WARS2: variants seen among roughly 807,000 people sequenced by gnomAD.
WARS2 encodes the protein tryptophan--tRNA ligase, mitochondrial.
WARS2 carries 28 observed loss-of-function variants against 36.5 expected under a neutral mutation model. The ratio of observed to expected loss-of-function variants is 0.77; its 90% CI spans 0.57 to 1.05. The LOEUF is 1.05. Among genes scored for constraint, WARS2 ranks in the 50% least tolerant of loss-of-function variants. WARS2 has a pLI of 0.00. For synonymous variants in WARS2, 174 were observed against 178.4 expected, an observed-to-expected ratio of 0.98 and a Z score of 0.20; for missense variants, 435 against 456.8, an observed-to-expected ratio of 0.95 and a Z score of 0.44.
At chr1:119,068,220 T>C (rs1308951105) in intron 2 of WARS2, among the ~76,000 whole-genome samples, 8 of 152,202 alleles carry the variant, frequency 5.3e-5, no homozygotes. Flanking sequence ...CAAATATAAA[T>C]ACACTCAAAT....
chr1:119,046,277 CCTT>C (rs1251803037), intron 2 of WARS2, among the ~76,000 whole-genome samples: 1 of 119,876 alleles, frequency 8.3e-6, no homozygotes, highest in African/African-American at 3.4e-5. Context: ...TTCCTCTCCT[CCTT>C]TTCTGTTTTT....
At chr1:119,066,697 A>G (rs1410468636) in intron 2 of WARS2, among the ~76,000 whole-genome samples, 1 of 152,160 alleles carries the variant, frequency 6.6e-6, no homozygotes, top group East Asian at 1.9e-4. Flanking sequence ...GGGAAATTCA[A>G]ACAATAAGAT....
intron 1 of WARS2, among the ~76,000 whole-genome samples, chr1:119,080,375 G>GA (rs1221305007): frequency 2.0e-5 from 3 of 152,110 alleles, no homozygotes; most frequent in Non-Finnish European, 4.4e-5. Flanking sequence ...AACTAGAAGA[G>GA]AAAAGCACCA....
chr1:119,070,784 T>C (rs1034582487), intron 2 of WARS2, among the ~76,000 whole-genome samples: 2 of 151,998 alleles, frequency 1.3e-5, no homozygotes, highest in Non-Finnish European at 1.5e-5. Flanking sequence ...CTAATAAGCA[T>C]TTTTTTATAA....
chr1:119,079,385 T>A (rs1652015299), intron 1 of WARS2, among the ~76,000 whole-genome samples: 1 of 152,126 alleles, frequency 6.6e-6, no homozygotes, highest in African/African-American at 2.4e-5. Context: ...TATTTTAGAA[T>A]CATCTTGTCA....
At chr1:119,135,623 C>G (rs759259468) in intron 1 of WARS2, among the ~76,000 whole-genome samples, 1 of 152,052 alleles carries the variant, frequency 6.6e-6, no homozygotes, top group Non-Finnish European at 1.5e-5. Flanking sequence ...GTATGTAAAA[C>G]ACATACCATG....
At chr1:119,048,201 A>G (rs552756506) in intron 2 of WARS2, among the ~76,000 whole-genome samples, 11 of 152,338 alleles carry the variant, frequency 7.2e-5, no homozygotes, top group Admixed American at 3.9e-4. Context: ...CACAATAAGC[A>G]TTGCAAAGTA....
intron 1 of WARS2, among the ~76,000 whole-genome samples, chr1:119,134,160 C>G (rs1394042562): frequency 6.6e-6 from 1 of 151,628 alleles, no homozygotes; most frequent in Non-Finnish European, 1.5e-5. Flanking sequence ...GAGTCACAAT[C>G]AGAACATGAA....
At chr1:119,135,314 G>A (rs1316317955) in intron 1 of WARS2, among the ~76,000 whole-genome samples, 3 of 152,172 alleles carry the variant, frequency 2.0e-5, no homozygotes, top group African/African-American at 7.2e-5. Context: ...AGTGGGGCGG[G>A]TAATGGGGGA....
intron 1 of WARS2, among the ~76,000 whole-genome samples, chr1:119,121,129 C>T (rs933267654): frequency 3.9e-5 from 6 of 151,984 alleles, no homozygotes; most frequent in Non-Finnish European, 7.4e-5. Context: ...ATGATATGAT[C>T]ACATACCTAG....
chr1:119,076,372 C>CT lies in WARS2; in HGVS notation c.325dup (p.Ser109LysfsTer11), dbSNP rs1253426801. ...GACCTGAGATTGTTGGAAAAGGATG[C>CT]TTTTTTCCGGGTTTATGCCACAGGC... On this transcript the variant is annotated frameshift_variant, in exon 2 of 6. Coordinates refer to ENST00000235521, the MANE Select transcript of WARS2 (RefSeq NM_015836.4). LOFTEE classifies it high-confidence loss of function. The CT allele has an allele frequency of 6.2e-7, 1 of 1,614,086 alleles. No homozygotes were observed. Among genetic ancestry groups the CT allele is most frequent in the Non-Finnish European group, 8.5e-7 (1 of 1,180,014 alleles).
At chr1:119,120,697 T>C (rs190425374) in intron 1 of WARS2, among the ~76,000 whole-genome samples, 61 of 152,194 alleles carry the variant, frequency 4.0e-4, no homozygotes, top group African/African-American at 1.4e-3. Context: ...TCGACCATGA[T>C]CAAGTGGGTT....
intron 1 of WARS2, among the ~76,000 whole-genome samples, chr1:119,115,982 A>C (rs1199280117): frequency 6.6e-6 from 1 of 152,212 alleles, no homozygotes; most frequent in Non-Finnish European, 1.5e-5. Context: ...CCCTCACTAA[A>C]GGCTGATTTC....
intron 1 of WARS2, among the ~76,000 whole-genome samples, chr1:119,098,935 C>A (rs917631461): frequency 6.6e-6 from 1 of 151,066 alleles, no homozygotes; most frequent in Non-Finnish European, 1.5e-5. Flanking sequence ...CGTGGTTTCA[C>A]CATGTTTGCC....
intron 1 of WARS2, among the ~76,000 whole-genome samples, chr1:119,118,639 TAA>T (rs1319412994): frequency 6.6e-6 from 1 of 152,142 alleles, no homozygotes; most frequent in Non-Finnish European, 1.5e-5. Context: ...TCAGTTTATC[TAA>T]AGTCAAGATG....
intron 1 of WARS2, chr1:119,085,107 C>T (rs751273302): frequency 3.0e-5 from 23 of 779,064 alleles, no homozygotes; most frequent in South Asian, 5.4e-5. Flanking sequence ...TCTATGACTA[C>T]GCCCTTCAGA....
intron 2 of WARS2, among the ~76,000 whole-genome samples, chr1:119,046,520 T>G (rs1319073593): frequency 6.6e-6 from 1 of 151,296 alleles, no homozygotes; most frequent in Non-Finnish European, 1.5e-5. Flanking sequence ...GCTAATTTTT[T>G]TTTTTTTTTG....
intron 3 of WARS2, 79 bp from the exon 4 acceptor site, chr1:119,042,428 T>A: frequency 7.2e-7 from 1 of 1,383,824 alleles, no homozygotes. Context: ...ATTAAGAAAA[T>A]TTTAAAACAA....
chr1:119,132,193 G>C (rs1656165550), intron 1 of WARS2, among the ~76,000 whole-genome samples: 1 of 152,214 alleles, frequency 6.6e-6, no homozygotes, highest in South Asian at 2.1e-4. Context: ...TGTGGTGGTA[G>C]AGCCAGGCCT....
Sources: gnomAD v4.1 joint callset for allele counts (sites outside exome capture counted in the v4.1 genomes callset) on GRCh38, gnomAD v4.1.1 for gene constraint, MANE v1.5 for transcripts, NCBI Gene and HGNC (gene_info 2026-07-23, HGNC 2026-07-21) for gene names.